Variants in GRIK4 observed in about 807,000 individuals in gnomAD.
The protein encoded by GRIK4 is glutamate ionotropic receptor kainate type subunit 4, also known as glutamate receptor ionotropic, kainate 4.
Under a neutral mutation model 104.9 loss-of-function variants are expected in GRIK4, and 40 were observed. That is an observed-to-expected ratio of 0.38 (90% CI 0.30 to 0.50). GRIK4 has a LOEUF of 0.50. Ranked by LOEUF, GRIK4 falls within the 20% of genes least tolerant of loss-of-function variation. GRIK4 has a pLI of 0.93. For synonymous variants in GRIK4, 485 were observed against 524.9 expected (o/e 0.92, Z 1.04); for missense variants, 1,047 against 1,308.1 (o/e 0.80, Z 3.08).
intron 1 of GRIK4, among the ~76,000 whole-genome samples, chr11:120,604,835 G>T (rs538362304): frequency 1.3e-5 from 2 of 152,342 alleles, no homozygotes; most frequent in African/African-American, 4.8e-5. Context: ...GACTTACTTG[G>T]AATGGCCAGA....
rs76820520 is a variant in GRIK4 at position 120,653,789 on chromosome 11, G to A, written c.-54G>A. 7,906 of 152,308 alleles carry A rather than the reference G, an allele frequency of 0.052. 265 individuals are homozygous for A. The highest frequency in any genetic ancestry group is 0.091 in the African/African-American group (3,784 of 41,514). 9.4% of individuals were successfully genotyped at this position (152,308 alleles called of 1,614,324 possible). A position where few individuals can be genotyped will look rare whatever the true frequency, so the allele number is the denominator to read the frequency against. ...CTGCTCTCCTGGCGCTCATCACCCC[G>A]GAGGTAGGCACTGCCATTCCCATAT... is the stretch of plus-strand genomic sequence containing the variant. On this transcript the variant is annotated 5_prime_UTR_variant, in exon 2 of 21. Coordinates refer to ENST00000527524, the MANE Select transcript of GRIK4 (RefSeq NM_014619.5).
At chr11:120,633,511 G>A (rs1949356748) in intron 1 of GRIK4, among the ~76,000 whole-genome samples, 1 of 152,248 alleles carries the variant, frequency 6.6e-6, no homozygotes, top group Non-Finnish European at 1.5e-5. Flanking sequence ...GTTGCTCTGT[G>A]TCTGAAGCTA....
At chr11:120,779,809 A>C (rs1437151304) in intron 3 of GRIK4, among the ~76,000 whole-genome samples, 1 of 152,240 alleles carries the variant, frequency 6.6e-6, no homozygotes, top group Non-Finnish European at 1.5e-5. Flanking sequence ...GTATTTCTAC[A>C]TCACTTAGCA....
rs146201957 is a variant in GRIK4, at chr11:120,772,640, TGC to T, written c.83-30047_83-30046del. ...GGTAGGTGAGAACAGGTGGTGTATG[TGC>T]GCGCGTGTGTGTGTGTTACATGGGA... is the stretch of plus-strand genomic sequence containing the variant. On this transcript the variant is annotated intron_variant, in intron 3 of 20. Transcript: ENST00000527524. Among the ~76,000 whole-genome samples the T allele has an allele frequency of 1.2e-4, 18 of 151,814 alleles. No individual in the cohort carries two copies. The East Asian group carries it at 1.4e-3, about 11-fold the overall frequency.
intron 1 of GRIK4, among the ~76,000 whole-genome samples, chr11:120,596,685 G>T (rs1349036144): frequency 6.6e-6 from 1 of 152,066 alleles, no homozygotes; most frequent in Non-Finnish European, 1.5e-5. Context: ...TAGGGAAAAT[G>T]AGGGCAGAGG....
intron 1 of GRIK4, among the ~76,000 whole-genome samples, chr11:120,585,180 C>G (rs1948643249): frequency 6.6e-6 from 1 of 151,930 alleles, no homozygotes; most frequent in Non-Finnish European, 1.5e-5. Context: ...ATGTTTATAC[C>G]CCACTTTGTT....
intron 13 of GRIK4, among the ~76,000 whole-genome samples, chr11:120,917,455 G>C (rs1418902473): frequency 2.6e-5 from 4 of 152,104 alleles, no homozygotes; most frequent in African/African-American, 9.7e-5. Context: ...GGCGGTAAAA[G>C]GCAAGGGGGG....
intron 3 of GRIK4, among the ~76,000 whole-genome samples, chr11:120,738,951 G>C (rs1444644805): frequency 6.6e-6 from 1 of 152,220 alleles, no homozygotes; most frequent in Admixed American, 6.5e-5. Flanking sequence ...TGTCGGCAGA[G>C]AGGAGCAGAG....
intron 3 of GRIK4, among the ~76,000 whole-genome samples, chr11:120,781,937 C>T (rs762267714): frequency 2.6e-5 from 4 of 152,160 alleles, no homozygotes; most frequent in African/African-American, 7.2e-5. Context: ...AGCCGCTGAA[C>T]GCCAGTGGCT....
intron 1 of GRIK4, among the ~76,000 whole-genome samples, chr11:120,644,280 T>C (rs1949513337): frequency 6.6e-6 from 1 of 152,202 alleles, no homozygotes; most frequent in African/African-American, 2.4e-5. Context: ...CTAGATTAAA[T>C]GTGTGGATCA....
chr11:120,622,420 A>G (rs1256567323), intron 1 of GRIK4, among the ~76,000 whole-genome samples: 1 of 152,214 alleles, frequency 6.6e-6, no homozygotes, highest in Non-Finnish European at 1.5e-5. Context: ...CTTCAAAGCC[A>G]TGCCTTTAAC....
At chr11:120,752,995 C>T (rs1257958569) in intron 3 of GRIK4, among the ~76,000 whole-genome samples, 1 of 152,240 alleles carries the variant, frequency 6.6e-6, no homozygotes, top group African/African-American at 2.4e-5. Context: ...CCACCCTCTC[C>T]CTTGTGGCCT....
Position 120,862,977 on chromosome 11 carries a change from C to T in GRIK4, c.906+857C>T, listed in dbSNP as rs550843168. 3.3e-5 allele frequency among the ~76,000 whole-genome samples: 5 copies of T among 152,262 alleles called. No individual in the cohort carries two copies. The South Asian group carries it at 8.3e-4, about 25-fold the overall frequency. ...ATCTCCATTTCACAGATGATAAAACCGAAGCCCAGAAAGGTTAGGCAAATA... is the reference window on the plus strand; with the variant it reads ...ATCTCCATTTCACAGATGATAAAACTGAAGCCCAGAAAGGTTAGGCAAATA... On this transcript the variant is annotated intron_variant, in intron 9 of 20. Transcript: ENST00000527524.
chr11:120,602,350 C>A (rs559245174), intron 1 of GRIK4, among the ~76,000 whole-genome samples: 1 of 152,176 alleles, frequency 6.6e-6, no homozygotes, highest in Non-Finnish European at 1.5e-5. Context: ...AATTGATTAC[C>A]ATCCTGCTGG....
chr11:120,632,262 C>T (rs1380518935), intron 1 of GRIK4, among the ~76,000 whole-genome samples: 1 of 152,210 alleles, frequency 6.6e-6, no homozygotes, highest in African/African-American at 2.4e-5. Flanking sequence ...TCACCAGAAC[C>T]TGACCATGTC....
At chr11:120,598,436 C>T (rs1027626214) in intron 1 of GRIK4, among the ~76,000 whole-genome samples, 6 of 152,192 alleles carry the variant, frequency 3.9e-5, no homozygotes, top group South Asian at 2.1e-4. Flanking sequence ...TCCTGGCCTG[C>T]GTGGTGGAAC....
At chr11:120,529,740 G>C (rs1947903826) in intron 1 of GRIK4, among the ~76,000 whole-genome samples, 1 of 152,242 alleles carries the variant, frequency 6.6e-6, no homozygotes, top group African/African-American at 2.4e-5. Flanking sequence ...CATCCCCGCT[G>C]TGTGCAAGTA....
In GRIK4 at chr11:120,874,176, G is replaced by T. The variant is rs753979175; in HGVS notation, c.1017G>T (p.Gln339His). Residue 339 changes from glutamine (Q) to histidine (H), a missense_variant, in exon 10 of 21, where the codon CAG becomes CAT. Around this residue, in one of 3 missense-constraint regions of GRIK4, gnomAD observed 447 missense variants for 514.9 expected, o/e 0.87. Transcript: ENST00000527524. The stretch of plus-strand genomic sequence containing the variant: ...AGCCCTTGTCCTGCGGCTCGGCCCA[G>T]ATCTGGCAGCACGGCACCAGCCTCA... ...GVKPLSCGSA[Q>H]IWQHGTSLMN... 1 of 1,613,564 alleles carries T rather than the reference G, an allele frequency of 6.2e-7. No individual in the cohort carries two copies. The highest frequency in any genetic ancestry group is 8.5e-7 in the Non-Finnish European group (1 of 1,179,954).
At chr11:120,591,627 T>A (rs1421762503) in intron 1 of GRIK4, among the ~76,000 whole-genome samples, 1 of 152,170 alleles carries the variant, frequency 6.6e-6, no homozygotes, top group Non-Finnish European at 1.5e-5. Context: ...CACCACAGCC[T>A]CTTCTCAGAA....
Sources: allele counts gnomAD v4.1 joint callset (sites outside exome capture counted in the v4.1 genomes callset), GRCh38; gene constraint gnomAD v4.1.1; regional missense constraint gnomAD v4.1.1; transcripts MANE v1.5; gene names NCBI Gene and HGNC (gene_info 2026-07-23, HGNC 2026-07-21).